The following SLC45A3 variants were observed in gnomAD, a reference collection of about 807,000 sequenced individuals.
The protein encoded by SLC45A3 is prostate cancer associated protein 2.
In SLC45A3, 17 loss-of-function variants were observed where a neutral mutation model predicts 35.3. The observed-to-expected ratio is 0.48, with a 90% CI of 0.33 to 0.72. The LOEUF (loss-of-function observed/expected upper bound fraction) is 0.72. SLC45A3 is among the 30% of genes least tolerant of loss of function. SLC45A3 has a pLI of 0.02. For synonymous variants in SLC45A3, 288 were observed against 334.3 expected (o/e 0.86, Z 1.51); for missense variants, 597 against 731.7 (o/e 0.82, Z 2.12).
intron 1 of SLC45A3, among the ~76,000 whole-genome samples, chr1:205,674,345 G>A (rs1046156813): frequency 1.3e-5 from 2 of 152,134 alleles, no homozygotes; most frequent in African/African-American, 4.8e-5. Context: ...CCAGCACTTT[G>A]GGAGGCTGAG....
chr1:205,659,422 G>A lies in SLC45A3; in HGVS notation c.1474C>T (p.Leu492Phe), dbSNP rs148291270. ...VVPGRGICLD[L>F]AILDSAFLLS... The stretch of plus-strand genomic sequence containing the variant: ...AGGAAGGCACTATCCAGGATGGCGA[G>A]GTCCAGGCAGATGCCCCGGCCCGGA... The change falls in exon 5 of 5, where the codon CTC becomes TTC. Residue 492 changes from leucine (L) to phenylalanine (F), a missense_variant. Physicochemically the swap from Leu to Phe is conservative, Grantham distance 22. Coordinates refer to ENST00000367145, the MANE Select transcript of SLC45A3 (RefSeq NM_033102.3). The surrounding 1 kb of genome is among the most constrained non-coding windows in gnomAD (Gnocchi z 5.8). 6.2e-7 allele frequency: 1 copy of A among 1,614,144 alleles called. No homozygotes were observed. The highest frequency in any genetic ancestry group is 8.5e-7 in the Non-Finnish European group (1 of 1,180,004).
intron 1 of SLC45A3, among the ~76,000 whole-genome samples, chr1:205,678,892 C>G (rs1671354123): frequency 6.6e-6 from 1 of 152,176 alleles, no homozygotes; most frequent in Non-Finnish European, 1.5e-5. Context: ...CTACAATATG[C>G]TGCTCTATGG....
At chr1:205,661,790 T>A in intron 4 of SLC45A3, 71 bp downstream of exon 4, 1 of 1,550,196 alleles carries the variant, frequency 6.5e-7, no homozygotes, top group Non-Finnish European at 8.7e-7. Flanking sequence ...TACCAGGTTC[T>A]GAGCTAGTTG....
Position 205,658,065 on chromosome 1 carries a change from G to C in SLC45A3, c.*1169C>G. The C allele has an allele frequency of 4.4e-6, 1 of 228,858 alleles. No homozygotes were observed. 14.2% of individuals were successfully genotyped at this position (228,858 alleles called of 1,614,324 possible). A position where few individuals can be genotyped will look rare whatever the true frequency, so the allele number is the denominator to read the frequency against. On this transcript the variant is annotated 3_prime_UTR_variant, in exon 5 of 5. Transcript: ENST00000367145. ...TCCCCAAGCACAGATATACTCTGGG[G>C]GCTGAGATGGACAAAGGCTTGGGAA...
intron 1 of SLC45A3, among the ~76,000 whole-genome samples, chr1:205,677,316 C>A (rs1403041744): frequency 6.6e-6 from 1 of 152,184 alleles, no homozygotes; most frequent in African/African-American, 2.4e-5. Flanking sequence ...TCGTAGCTTA[C>A]ATATAGTTAT....
intron 1 of SLC45A3, among the ~76,000 whole-genome samples, chr1:205,676,260 C>A (rs554044891): frequency 1.3e-5 from 2 of 152,148 alleles, no homozygotes; most frequent in South Asian, 2.1e-4. Context: ...GGGCACACAG[C>A]GACCACAGGG....
chr1:205,680,268 G>A (rs1284341245), intron 1 of SLC45A3, 126 bp downstream of exon 1: 1 of 151,980 alleles, frequency 6.6e-6, no homozygotes, highest in Non-Finnish European at 1.5e-5. Flanking sequence ...CGCCCCGGAC[G>A]GCCACGGCGC....
Position 205,659,159 on chromosome 1 carries a change from C to T in SLC45A3, c.*75G>A. The T allele has an allele frequency of 5.4e-6, 8 of 1,469,510 alleles. No homozygotes were observed. The highest frequency in any genetic ancestry group is 7.4e-6 in the Non-Finnish European group (8 of 1,086,174). 91.0% of individuals were successfully genotyped at this position (1,469,510 alleles called of 1,614,324 possible). ...CAGAAACTGGCGGCCAGCCCGGCAG[C>T]CCCATGGGGCTAACAGGAGCGGGGA... is the stretch of plus-strand genomic sequence containing the variant. On this transcript the variant is annotated 3_prime_UTR_variant, in exon 5 of 5. Transcript: ENST00000367145. This position sits in a 1 kb window ranked among gnomAD's most constrained non-coding sequence, Gnocchi z 5.8.
rs1671096120 is a variant in SLC45A3, at chr1:205,664,988, T to C, written c.-230-102A>G. 8.8e-7 allele frequency: 1 copy of C among 1,130,610 alleles called. No individual in the cohort carries two copies. The highest frequency in any genetic ancestry group is 4.5e-5 in the Admixed American group (1 of 22,228). The allele number at this position is 1,130,610 out of a possible 1,614,324, so 70.0% of individuals were successfully genotyped here. ...GTCTGGATCCTGATCATTCACAGGC[T>C]GGCGACTGGCCCTGTCACCGAGGTG... On this transcript the variant is annotated intron_variant, in intron 1 of 4. Coordinates refer to ENST00000367145, the MANE Select transcript of SLC45A3 (RefSeq NM_033102.3). This position sits in a 1 kb window ranked among gnomAD's most constrained non-coding sequence, Gnocchi z 5.3.
In SLC45A3 at chr1:205,661,882, G is replaced by C; in HGVS notation, c.1203C>G (p.Ser401=). 1.2e-6 allele frequency: 2 copies of C among 1,613,832 alleles called. No individual in the cohort carries two copies. Among genetic ancestry groups the C allele is most frequent in the Non-Finnish European group, 1.7e-6 (2 of 1,179,808 alleles). ...GTACCTGCTTCTCCCGGTGGTAGAG[G>C]GAGGCCAGTGTGTAGGGCAGGATCT... ...ALQILPYTLA[S]LYHREKQVFL... The change falls in exon 4 of 5, where the codon TCC becomes TCG. Residue 401 remains serine (S), a synonymous_variant. Transcript: ENST00000367145.
chr1:205,658,411 G>A lies in SLC45A3; in HGVS notation c.*823C>T. The A allele has an allele frequency of 4.3e-6, 1 of 233,000 alleles. No individual in the cohort carries two copies. The highest frequency in any genetic ancestry group is 1.3e-3 in the Middle Eastern group (1 of 784). 14.4% of individuals were successfully genotyped at this position (233,000 alleles called of 1,614,324 possible). The stretch of plus-strand genomic sequence containing the variant: ...AGGTCCTGGGTTAGGCATTTTGGGG[G>A]GCCAGACCCCAGGAGAAGAAGATTC... On this transcript the variant is annotated 3_prime_UTR_variant, in exon 5 of 5. Transcript: ENST00000367145.
At chr1:205,680,031 T>TCAGCC (rs1553248867) in intron 1 of SLC45A3, among the ~76,000 whole-genome samples, 1 of 147,684 alleles carries the variant, frequency 6.8e-6, no homozygotes, top group Non-Finnish European at 1.5e-5. Context: ...CCGCCAGCCG[T>TCAGCC]CGGCCCGGCC....
At chr1:205,660,676 T>C in intron 4 of SLC45A3, among the ~76,000 whole-genome samples, 1 of 152,174 alleles carries the variant, frequency 6.6e-6, no homozygotes, top group Non-Finnish European at 1.5e-5. Context: ...GGTTGGAGTC[T>C]GGAGTGGTCC....
rs1670971642 is a variant in SLC45A3 at position 205,659,161 on chromosome 1, C to T, written c.*73G>A. 6.7e-6 allele frequency: 10 copies of T among 1,487,646 alleles called. No homozygotes were observed. Among genetic ancestry groups the T allele is most frequent in the South Asian group, 1.3e-5 (1 of 76,672 alleles). 92.2% of individuals were successfully genotyped at this position (1,487,646 alleles called of 1,614,324 possible). ...GAAACTGGCGGCCAGCCCGGCAGCC[C>T]CATGGGGCTAACAGGAGCGGGGAGC... is the stretch of plus-strand genomic sequence containing the variant. On this transcript the variant is annotated 3_prime_UTR_variant, in exon 5 of 5. Coordinates refer to ENST00000367145, the MANE Select transcript of SLC45A3 (RefSeq NM_033102.3). The surrounding 1 kb of genome is among the most constrained non-coding windows in gnomAD (Gnocchi z 5.8).
At position 205,662,723 on chromosome 1, in the gene SLC45A3, G is replaced by A. The variant is rs1024945498; in HGVS notation, c.958+110C>T. ...AGATGGGGTCCATCCCCACTTTCCT[G>A]ACAGAGAAGTCGGGGCCAGGATGGA... On this transcript the variant is annotated intron_variant, in intron 3 of 4. Coordinates refer to ENST00000367145, the MANE Select transcript of SLC45A3 (RefSeq NM_033102.3). This position sits in a 1 kb window ranked among gnomAD's most constrained non-coding sequence, Gnocchi z 6.2. The A allele has an allele frequency of 4.0e-6, 6 of 1,482,734 alleles. No individual in the cohort carries two copies. Among genetic ancestry groups the A allele is most frequent in the Non-Finnish European group, 5.3e-6 (6 of 1,122,580 alleles). The allele number at this position is 1,482,734 out of a possible 1,614,324, so 91.8% of individuals were successfully genotyped here.
chr1:205,661,373 G>C (rs139560677), intron 4 of SLC45A3, among the ~76,000 whole-genome samples: 2 of 152,304 alleles, frequency 1.3e-5, no homozygotes, highest in East Asian at 3.9e-4. Context: ...AAATAAGCCA[G>C]AAAGAAAGGG....
intron 1 of SLC45A3, among the ~76,000 whole-genome samples, chr1:205,678,558 ACTC>A (rs1421250575): frequency 1.3e-5 from 2 of 151,650 alleles, no homozygotes; most frequent in Admixed American, 1.3e-4. Flanking sequence ...ATCACTGTCT[ACTC>A]CTCCTCCTCC....
In SLC45A3 at chr1:205,663,058, G is replaced by A. The variant is rs760969609; in HGVS notation, c.733C>T (p.Arg245Trp). 52 of 1,607,806 alleles carry A rather than the reference G, an allele frequency of 3.2e-5. No homozygotes were observed. Among genetic ancestry groups the A allele is most frequent in the Non-Finnish European group, 4.1e-5 (48 of 1,176,210 alleles). ...AGGTTCCGGAAAGCCAAGCGGGCCC[G>A]GCATGGACAGCAGTGGGGCGACAAG... is the stretch of plus-strand genomic sequence containing the variant. The part of the protein sequence containing the change: ...PSLSPHCCPC[R>W]ARLAFRNLGA... Residue 245 changes from arginine (R) to tryptophan (W), a missense_variant, in exon 3 of 5, where the codon CGG becomes TGG. Arg to Trp is a moderately radical substitution (Grantham distance 101). This residue lies in a region of SLC45A3 where 555 missense variants were observed against 664.9 expected (regional missense o/e 0.83). Coordinates refer to ENST00000367145, the MANE Select transcript of SLC45A3 (RefSeq NM_033102.3).
At chr1:205,667,963 T>C (rs1345081652) in intron 1 of SLC45A3, among the ~76,000 whole-genome samples, 1 of 152,110 alleles carries the variant, frequency 6.6e-6, no homozygotes, top group Admixed American at 6.5e-5. Context: ...CAGAGATTCT[T>C]TACCTGGTAA....
Sources: gnomAD v4.1 joint callset for allele counts (sites outside exome capture counted in the v4.1 genomes callset) on GRCh38, gnomAD v4.1.1 for gene constraint, gnomAD v4.1.1 regional missense constraint, Gnocchi (gnomAD v3.1) non-coding constraint, MANE v1.5 for transcripts, NCBI Gene and HGNC (gene_info 2026-07-23, HGNC 2026-07-21) for gene names.